Variants in GALNTL6 observed in about 807,000 individuals in gnomAD.
GALNTL6 encodes polypeptide N-acetylgalactosaminyltransferase-like 6.
Under a neutral mutation model 73.7 loss-of-function variants are expected in GALNTL6, and 46 were observed. The ratio of observed to expected loss-of-function variants is 0.62; its 90% CI spans 0.49 to 0.80. The LOEUF (loss-of-function observed/expected upper bound fraction) is 0.80, where lower values mean the gene tolerates loss of function less well. GALNTL6 is among the 30% of genes least tolerant of loss of function. GALNTL6 has a pLI of 0.00. For synonymous variants in GALNTL6, 259 were observed against 263.7 expected, an observed-to-expected ratio of 0.98 and a Z score of 0.17; for missense variants, 604 against 755.0, an observed-to-expected ratio of 0.80 and a Z score of 2.34.
intron 7 of GALNTL6, 109 bp from the exon 8 acceptor site, chr4:172,882,681 C>G (rs1369361090): frequency 2.6e-6 from 2 of 760,314 alleles, no homozygotes; most frequent in East Asian, 5.2e-5. Context: ...TGAAAAGTTC[C>G]ACACAGCTGA....
intron 7 of GALNTL6, among the ~76,000 whole-genome samples, chr4:172,818,781 T>G (rs897885346): frequency 1.3e-5 from 2 of 152,146 alleles, no homozygotes; most frequent in African/African-American, 4.8e-5. Context: ...GGATTTTTAG[T>G]AGAGACAGGG....
At chr4:172,184,750 A>G (rs1008884544) in intron 2 of GALNTL6, among the ~76,000 whole-genome samples, 3 of 152,200 alleles carry the variant, frequency 2.0e-5, no homozygotes, top group African/African-American at 7.2e-5. Context: ...TATAAAAAAC[A>G]GAAATTCATT....
At chr4:172,232,094 A>G (rs570321311) in intron 3 of GALNTL6, among the ~76,000 whole-genome samples, 2 of 152,288 alleles carry the variant, frequency 1.3e-5, no homozygotes, top group African/African-American at 4.8e-5. Context: ...ATAAAAGTGT[A>G]TTAAGACATA....
chr4:172,587,362 A>G (rs1304214452), intron 5 of GALNTL6, among the ~76,000 whole-genome samples: 1 of 152,130 alleles, frequency 6.6e-6, no homozygotes. Context: ...TAATCTCCCT[A>G]TCTCCAGTTT....
intron 4 of GALNTL6, among the ~76,000 whole-genome samples, chr4:172,322,668 A>G (rs1251878350): frequency 6.6e-6 from 1 of 152,040 alleles, no homozygotes. Flanking sequence ...ACACATTTAA[A>G]CAACCAAATC....
chr4:172,961,006 G>A (rs1341965857), intron 10 of GALNTL6, among the ~76,000 whole-genome samples: 51 of 135,220 alleles, frequency 3.8e-4, no homozygotes, highest in African/African-American at 1.3e-3. Context: ...AAGGGGTTGG[G>A]GGGTTCTTGC....
intron 2 of GALNTL6, among the ~76,000 whole-genome samples, chr4:171,984,561 C>T (rs1368129037): frequency 6.6e-6 from 1 of 152,080 alleles, no homozygotes; most frequent in African/African-American, 2.4e-5. Flanking sequence ...TGGAGGCAAC[C>T]TCCTGGTGTG....
At chr4:172,318,754 G>A (rs1207818383) in intron 4 of GALNTL6, among the ~76,000 whole-genome samples, 1 of 93,166 alleles carries the variant, frequency 1.1e-5, no homozygotes, top group Non-Finnish European at 2.0e-5. Flanking sequence ...AAAAAGAAAG[G>A]CTGAATGAGG....
intron 2 of GALNTL6, among the ~76,000 whole-genome samples, chr4:171,922,652 G>T (rs951106135): frequency 6.6e-6 from 1 of 151,800 alleles, no homozygotes; most frequent in African/African-American, 2.4e-5. Context: ...AATAATTTGA[G>T]GTAGTTTAAG....
At chr4:172,020,977 G>A (rs114124126) in intron 2 of GALNTL6, among the ~76,000 whole-genome samples, 4,274 of 151,998 alleles carry the variant, frequency 0.028, 104 homozygotes, top group Non-Finnish European at 0.048. Flanking sequence ...AATTTATCCC[G>A]GGGATGCAAG....
At chr4:172,926,947 C>A (rs2111307581) in intron 8 of GALNTL6, among the ~76,000 whole-genome samples, 1 of 152,272 alleles carries the variant, frequency 6.6e-6, no homozygotes, top group South Asian at 2.1e-4. Flanking sequence ...GGAACAACAT[C>A]TATAATAAAT....
intron 3 of GALNTL6, among the ~76,000 whole-genome samples, chr4:172,291,766 T>C (rs1024793054): frequency 8.6e-5 from 13 of 151,270 alleles, no homozygotes; most frequent in African/African-American, 3.2e-4. Context: ...TGTACATTTC[T>C]CTTCTGGCAG....
intron 10 of GALNTL6, among the ~76,000 whole-genome samples, chr4:172,981,303 T>G (rs1751053044): frequency 6.6e-6 from 1 of 152,208 alleles, no homozygotes; most frequent in Non-Finnish European, 1.5e-5. Context: ...GCTACCCCAT[T>G]TGGCATTCCT....
At chr4:172,565,823 C>A (rs1443188961) in intron 5 of GALNTL6, among the ~76,000 whole-genome samples, 1 of 152,036 alleles carries the variant, frequency 6.6e-6, no homozygotes, top group African/African-American at 2.4e-5. Context: ...CTTCATGATT[C>A]AGTGTTGGTA....
chr4:172,757,538 A>C lies in GALNTL6; in HGVS notation c.554-51823A>C, dbSNP rs147719863. On this transcript the variant is annotated intron_variant, in intron 5 of 12. Coordinates refer to ENST00000506823, the MANE Select transcript of GALNTL6 (RefSeq NM_001034845.3). Reference sequence around the variant, plus strand: ...AAGTCATGCAATAAGGAAACATTAAAATCAGAACTTGAACTCCTCTGTCTC... The same window carrying C: ...AAGTCATGCAATAAGGAAACATTAACATCAGAACTTGAACTCCTCTGTCTC... Among the ~76,000 whole-genome samples, 327 of 152,330 alleles carry C rather than the reference A, an allele frequency of 2.1e-3. 2 individuals carry two copies. Among genetic ancestry groups the C allele is most frequent in the African/African-American group, 7.6e-3 (314 of 41,576 alleles).
At chr4:172,441,918 G>A (rs1044107839) in intron 5 of GALNTL6, among the ~76,000 whole-genome samples, 10 of 151,880 alleles carry the variant, frequency 6.6e-5, no homozygotes, top group African/African-American at 1.9e-4. Context: ...TTTAAGTGTA[G>A]TTGATAGTAT....
chr4:172,464,814 A>G (rs1458060000), intron 5 of GALNTL6, among the ~76,000 whole-genome samples: 2 of 152,186 alleles, frequency 1.3e-5, no homozygotes, highest in African/African-American at 2.4e-5. Flanking sequence ...AGCTGGAGAA[A>G]TTAATTCCAA....
intron 10 of GALNTL6, among the ~76,000 whole-genome samples, chr4:172,964,478 T>G (rs1579717458): frequency 6.6e-6 from 1 of 152,218 alleles, no homozygotes; most frequent in East Asian, 1.9e-4. Context: ...TGCAAACTTT[T>G]TAAAAAATCT....
intron 3 of GALNTL6, among the ~76,000 whole-genome samples, chr4:172,232,384 A>G (rs1287072732): frequency 6.6e-6 from 1 of 151,660 alleles, no homozygotes; most frequent in Non-Finnish European, 1.5e-5. Context: ...AGATTTATCT[A>G]GGTCAATGTG....
Sources: gnomAD v4.1 joint callset for allele counts (sites outside exome capture counted in the v4.1 genomes callset) on GRCh38, gnomAD v4.1.1 for gene constraint, MANE v1.5 for transcripts, NCBI Gene and HGNC (gene_info 2026-07-23, HGNC 2026-07-21) for gene names.